The following RASGRF1 variants were observed in gnomAD, a reference collection of about 807,000 sequenced individuals.
RASGRF1 encodes the protein Ras protein specific guanine nucleotide releasing factor 1.
In RASGRF1, 40 loss-of-function variants were observed where a neutral mutation model predicts 138.7. The ratio of observed to expected loss-of-function variants is 0.29; its 90% CI spans 0.22 to 0.38. RASGRF1 has a LOEUF of 0.38. Ranked by LOEUF, RASGRF1 falls within the 10% of genes least tolerant of loss-of-function variation. RASGRF1 has a pLI of 1.00. For missense variants in RASGRF1, 1,108 were observed against 1,650.4 expected, an observed-to-expected ratio of 0.67 and a Z score of 5.69; for synonymous variants, 614 against 663.2, an observed-to-expected ratio of 0.93 and a Z score of 1.14.
chr15:78,988,839 G>GTTTTT (rs555940270), intron 22 of RASGRF1, among the ~76,000 whole-genome samples: 23 of 127,080 alleles, frequency 1.8e-4, no homozygotes, highest in African/African-American at 6.3e-4. Flanking sequence ...CTGGGAGGGA[G>GTTTTT]TTTTTTTTTT....
At chr15:78,985,914 G>C (rs1180675110) in intron 22 of RASGRF1, 1 of 126,186 alleles carries the variant, frequency 7.9e-6, no homozygotes, top group African/African-American at 3.1e-5. Flanking sequence ...GACAGAGCGA[G>C]ACTCCATCTC....
chr15:79,011,166 C>A (rs2141746967), intron 13 of RASGRF1, among the ~76,000 whole-genome samples: 1 of 152,192 alleles, frequency 6.6e-6, no homozygotes, highest in South Asian at 2.1e-4. Context: ...TGGGTTTGGC[C>A]CTATCACCTA....
chr15:78,975,847 C>T (rs987235995), intron 24 of RASGRF1, among the ~76,000 whole-genome samples: 1 of 152,172 alleles, frequency 6.6e-6, no homozygotes, highest in Non-Finnish European at 1.5e-5. Flanking sequence ...CTATCATACT[C>T]CAAGTCTGAA....
intron 3 of RASGRF1, among the ~76,000 whole-genome samples, chr15:79,057,617 G>C (rs1418967526): frequency 6.6e-6 from 1 of 152,180 alleles, no homozygotes. Flanking sequence ...GCTGGTGAGG[G>C]GCATCTAAGG....
At chr15:79,039,318 A>AAAAAG (rs2057265137) in intron 5 of RASGRF1, among the ~76,000 whole-genome samples, 4 of 151,106 alleles carry the variant, frequency 2.6e-5, no homozygotes, top group Admixed American at 6.6e-5. Context: ...AAAAAAAAAA[A>AAAAAG]AAAAGAAAAA....
At chr15:78,979,899 CT>C (rs1178866976) in intron 24 of RASGRF1, among the ~76,000 whole-genome samples, 8 of 152,204 alleles carry the variant, frequency 5.3e-5, no homozygotes, top group Non-Finnish European at 8.8e-5. Flanking sequence ...ATTTTGCCCC[CT>C]AGTGGACATT....
rs2055644942 is a variant in RASGRF1 at position 78,966,366 on chromosome 15, A to G, written c.3682-4130T>C. Reference sequence around the variant, plus strand: ...ATCTTTCTGCCTTAGCCTCCTGAGTAGCTGGGACTACAGGCATGAGCCACT... The same window carrying G: ...ATCTTTCTGCCTTAGCCTCCTGAGTGGCTGGGACTACAGGCATGAGCCACT... On this transcript the variant is annotated intron_variant, in intron 26 of 26. Coordinates refer to ENST00000558480, the MANE Select transcript of RASGRF1 (RefSeq NM_001145648.3). 2.0e-5 allele frequency among the ~76,000 whole-genome samples: 3 copies of G among 150,538 alleles called. No homozygotes were observed. The South Asian group carries it at 6.3e-4, about 31-fold the overall frequency.
intron 7 of RASGRF1, among the ~76,000 whole-genome samples, chr15:79,031,891 G>A (rs925383626): frequency 6.6e-6 from 1 of 152,122 alleles, no homozygotes; most frequent in Non-Finnish European, 1.5e-5. Flanking sequence ...GCTCTGCTCT[G>A]GCTGAGGGTG....
intron 4 of RASGRF1, 116 bp from the exon 5 acceptor site, chr15:79,047,115 G>T: frequency 7.7e-7 from 1 of 1,300,344 alleles, no homozygotes; most frequent in Non-Finnish European, 1.0e-6. Flanking sequence ...TCCTACGCCG[G>T]GCATGTAGCA....
At chr15:79,024,531 A>G (rs897048261) in intron 10 of RASGRF1, among the ~76,000 whole-genome samples, 2 of 152,174 alleles carry the variant, frequency 1.3e-5, no homozygotes, top group Non-Finnish European at 2.9e-5. Flanking sequence ...TTTAGCTCCC[A>G]TAATCCCCAT....
chr15:79,084,391 G>A (rs1297220944), intron 1 of RASGRF1, among the ~76,000 whole-genome samples: 4 of 152,232 alleles, frequency 2.6e-5, no homozygotes, highest in African/African-American at 4.8e-5. Flanking sequence ...TGACCAGCCA[G>A]GCCAGGCTGT....
intron 9 of RASGRF1, 116 bp from the exon 10 acceptor site, chr15:79,025,590 C>G: frequency 1.6e-6 from 2 of 1,281,456 alleles, no homozygotes; most frequent in Admixed American, 4.8e-5. Flanking sequence ...CATTCTGTTT[C>G]CCAGTAGCAA....
In RASGRF1 at chr15:79,032,766, C is replaced by T. The variant is rs1567551090; in HGVS notation, c.959-450G>A. 6.6e-6 allele frequency among the ~76,000 whole-genome samples: 1 copy of T among 152,172 alleles called. No individual in the cohort carries two copies. The highest frequency in any genetic ancestry group is 1.5e-5 in the Non-Finnish European group (1 of 68,022). On this transcript the variant is annotated intron_variant, in intron 6 of 26. Transcript: ENST00000558480. This position sits in a 1 kb window ranked among gnomAD's most constrained non-coding sequence, Gnocchi z 4.5. ...TCAGGACACCAGTGTGAGGTCACCCCTTCTCCAGAGCTTCCTGTGGGGTCG... is the reference window on the plus strand; with the variant it reads ...TCAGGACACCAGTGTGAGGTCACCCTTTCTCCAGAGCTTCCTGTGGGGTCG...
At chr15:78,984,849 G>C in intron 23 of RASGRF1, 158 bp downstream of exon 23, 1 of 769,220 alleles carries the variant, frequency 1.3e-6, no homozygotes. Flanking sequence ...TCTGGTCCCA[G>C]GTGATATAGG....
chr15:79,004,731 G>A (rs2056632967), intron 14 of RASGRF1: 1 of 985,716 alleles, frequency 1.0e-6, no homozygotes, highest in South Asian at 4.7e-5. Flanking sequence ...CTCATGACAG[G>A]GTTCCACCTC....
At chr15:79,024,639 T>C (rs1449200605) in intron 10 of RASGRF1, among the ~76,000 whole-genome samples, 1 of 152,174 alleles carries the variant, frequency 6.6e-6, no homozygotes, top group Non-Finnish European at 1.5e-5. Flanking sequence ...CAAGATCTGA[T>C]AGTTTTGTAA....
chr15:78,978,596 G>A (rs897910549), intron 24 of RASGRF1: 7 of 990,382 alleles, frequency 7.1e-6, no homozygotes, highest in Non-Finnish European at 8.4e-6. Context: ...GACCAACATG[G>A]TGAGGCCCAT....
intron 26 of RASGRF1, among the ~76,000 whole-genome samples, chr15:78,970,349 C>T (rs529490002): frequency 7.9e-4 from 120 of 152,130 alleles, no homozygotes; most frequent in Middle Eastern, 3.4e-3. Context: ...GGTGAAACTC[C>T]GTCTCTACTA....
At chr15:78,985,926 G>C (rs1287600725) in intron 22 of RASGRF1, 15 of 83,348 alleles carry the variant, frequency 1.8e-4, no homozygotes, top group East Asian at 3.6e-4. Flanking sequence ...CTCCATCTCA[G>C]AAAAAAAAAA....
Sources: allele counts gnomAD v4.1 joint callset (sites outside exome capture counted in the v4.1 genomes callset), GRCh38; gene constraint gnomAD v4.1.1; non-coding constraint Gnocchi (gnomAD v3.1); transcripts MANE v1.5; gene names NCBI Gene and HGNC (gene_info 2026-07-23, HGNC 2026-07-21).